Variants in IL9 observed in about 807,000 individuals in gnomAD.
IL9 encodes interleukin 9, also known as interleukin-9.
A neutral mutation model predicts 12.9 loss-of-function variants in IL9; 16 were observed. The ratio of observed to expected loss-of-function variants is 1.24; its 90% CI spans 0.84 to 1.88. IL9 has a LOEUF of 1.88. Among genes scored for constraint, IL9 ranks in the 40% most tolerant of loss-of-function variants. The probability of loss-of-function intolerance (pLI) is 0.00; values close to 1 mark genes in which losing one functional copy is unlikely to be tolerated. For missense variants in IL9, 170 were observed against 173.1 expected (o/e 0.98, Z 0.10); for synonymous variants, 69 against 63.8 (o/e 1.08, Z -0.39).
rs368804746 is a variant in IL9 at position 135,895,742 on chromosome 5, C to T, written c.75G>A (p.Ala25=). 1.7e-5 allele frequency: 28 copies of T among 1,614,112 alleles called. No individual in the cohort carries two copies. The highest frequency in any genetic ancestry group is 5.0e-5 in the Admixed American group (3 of 60,026). Reference sequence around the variant, plus strand: ...TGAGGAAGTTGATGTCCAGGATCCCCGCCAAGGTTGGACACCCCTGGCCTG... The same window carrying T: ...TGAGGAAGTTGATGTCCAGGATCCCTGCCAAGGTTGGACACCCCTGGCCTG... The part of the protein sequence containing the change: ...SVAGQGCPTL[A]GILDINFLIN... The change falls in exon 1 of 5, where the codon GCG becomes GCA. Residue 25 remains alanine, a synonymous_variant. Transcript: ENST00000274520.
Position 135,895,771 on chromosome 5 carries a change from C to G in IL9, c.46G>C (p.Val16Leu). ...AAGGTTGGACACCCCTGGCCTGCCA[C>G]GGAGCACAGGAGCAGGGCAGAGGTA... ...VLTSALLLCS[V>L]AGQGCPTLAG... Residue 16 changes from valine to leucine, a missense_variant, in exon 1 of 5, where the codon GTG becomes CTG. Val to Leu is a conservative substitution (Grantham distance 32). Coordinates refer to ENST00000274520, the MANE Select transcript of IL9 (RefSeq NM_000590.2). 12 of 1,614,108 alleles carry G rather than the reference C, an allele frequency of 7.4e-6. No individual in the cohort carries two copies. The highest frequency in any genetic ancestry group is 1.0e-5 in the Non-Finnish European group (12 of 1,180,004).
chr5:135,892,775 CA>C (rs1561570704), intron 4 of IL9, among the ~76,000 whole-genome samples: 133 of 150,682 alleles, frequency 8.8e-4, no homozygotes, highest in East Asian at 2.9e-3. Context: ...CACACACACA[CA>C]CACCCCTATT....
chr5:135,894,289 T>A (rs965129681), intron 3 of IL9, 138 bp from the exon 4 acceptor site: 1 of 825,536 alleles, frequency 1.2e-6, no homozygotes, highest in Non-Finnish European at 1.9e-6. Context: ...ACAGGTCCCT[T>A]GCCAATGTAG....
chr5:135,892,315 A>T lies in IL9; in HGVS notation c.*76T>A. On this transcript the variant is annotated 3_prime_UTR_variant, in exon 5 of 5. Coordinates refer to ENST00000274520, the MANE Select transcript of IL9 (RefSeq NM_000590.2). ...AACTGATACTGATTTAGAGTAGCTT[A>T]CTTGATTTTTAAATTGTAGCAACTT... The T allele has an allele frequency of 9.0e-7, 1 of 1,106,230 alleles. No individual in the cohort carries two copies. The allele number at this position is 1,106,230 out of a possible 1,614,324, so 68.5% of individuals were successfully genotyped here.
chr5:135,895,686 C>A lies in IL9; in HGVS notation c.114+17G>T. The A allele has an allele frequency of 6.2e-7, 1 of 1,608,524 alleles. No homozygotes were observed. Among genetic ancestry groups the A allele is most frequent in the Non-Finnish European group, 8.5e-7 (1 of 1,174,892 alleles). ...TGTCAGTAGCTGTCTTTCCCATGGG[C>A]TCCCCCTGCAGCCTACCTGCATCTT... On this transcript the variant is annotated intron_variant, in intron 1 of 4. Transcript: ENST00000274520.
chr5:135,894,895 A>G (rs1762920504), intron 3 of IL9, among the ~76,000 whole-genome samples: 1 of 152,218 alleles, frequency 6.6e-6, no homozygotes, highest in African/African-American at 2.4e-5. Context: ...CCCAGAGGGC[A>G]GCATTCAAAC....
rs765568745 is a variant in IL9 at position 135,892,493 on chromosome 5, C to T, written c.333G>A (p.Gln111=). Residue 111 remains glutamine, a synonymous_variant, in exon 5 of 5, where the codon CAG becomes CAA. Transcript: ENST00000274520. ...NNKCPYFSCE[Q]PCNQTTAGNA... is the part of the protein sequence containing the mutation. Reference sequence around the variant, plus strand: ...TGCCTGCCGTGGTTTGGTTGCATGGCTGTTCACAGGAAAAATACTGTGGGG... The same window carrying T: ...TGCCTGCCGTGGTTTGGTTGCATGGTTGTTCACAGGAAAAATACTGTGGGG... 3 of 1,612,558 alleles carry T rather than the reference C, an allele frequency of 1.9e-6. No individual in the cohort carries two copies. The highest frequency in any genetic ancestry group is 1.3e-5 in the African/African-American group (1 of 74,848).
At position 135,895,464 on chromosome 5, in the gene IL9, A is replaced by C; in HGVS notation, c.159T>G (p.Ser53Arg). 6.2e-7 allele frequency: 1 copy of C among 1,614,002 alleles called. No individual in the cohort carries two copies. The highest frequency in any genetic ancestry group is 2.2e-5 in the East Asian group (1 of 44,890). Residue 53 changes from serine to arginine, a missense_variant, in exon 3 of 5, where the codon AGT becomes AGG. By Grantham distance (110) the Ser-to-Arg change is moderately radical. Coordinates refer to ENST00000274520, the MANE Select transcript of IL9 (RefSeq NM_000590.2). The stretch of plus-strand genomic sequence containing the variant: ...CAGAGGGAATGCCCAAACAGAGACA[A>C]CTGGTCACCTGCAAGGGAAATTTCA... ...SKCHCSANVT[S>R]CLCLGIPSDN...
At chr5:135,895,368 A>G (rs1762926420) in intron 3 of IL9, 72 bp downstream of exon 3, 6 of 1,247,576 alleles carry the variant, frequency 4.8e-6, no homozygotes, top group Non-Finnish European at 6.8e-6. Flanking sequence ...TATTAAATAA[A>G]GCAACTTATT....
At chr5:135,893,700 A>G (rs1762905382) in intron 4 of IL9, among the ~76,000 whole-genome samples, 1 of 152,196 alleles carries the variant, frequency 6.6e-6, no homozygotes, top group South Asian at 2.1e-4. Flanking sequence ...TCTCTAGGAT[A>G]ATTTAGTATT....
chr5:135,894,239 T>G, intron 3 of IL9, 88 bp from the exon 4 acceptor site: 2 of 1,282,456 alleles, frequency 1.6e-6, no homozygotes, highest in South Asian at 2.7e-5. Flanking sequence ...AGAGATGATT[T>G]TTATTTAATC....
rs916857566 is a variant in IL9, at chr5:135,894,651, G to A, written c.184-500C>T. ...TCTTCTCATCTAATGGATGGACCGC[G>A]ATGGGTGCGATGTCTTACCCTAGCC... On this transcript the variant is annotated intron_variant, in intron 3 of 4. Transcript: ENST00000274520. Among the ~76,000 whole-genome samples the A allele has an allele frequency of 3.3e-5, 5 of 152,334 alleles. No homozygotes were observed. The East Asian group carries it at 7.7e-4, about 24-fold the overall frequency.
At chr5:135,892,585 C>A in intron 4 of IL9, 75 bp from the exon 5 acceptor site, 1 of 1,500,254 alleles carries the variant, frequency 6.7e-7, no homozygotes, top group Non-Finnish European at 9.0e-7. Flanking sequence ...AGCCTACCTG[C>A]CAAGAGCCAG....
intron 4 of IL9, among the ~76,000 whole-genome samples, chr5:135,892,854 C>T (rs1762890360): frequency 1.3e-5 from 2 of 151,816 alleles, no homozygotes. Context: ...AAAATTGTAT[C>T]ATTATCCTTT....
chr5:135,893,474 T>A (rs1762902137), intron 4 of IL9, among the ~76,000 whole-genome samples: 1 of 152,080 alleles, frequency 6.6e-6, no homozygotes, highest in Admixed American at 6.6e-5. Flanking sequence ...TAGCCAGGCA[T>A]GGTGGCACGC....
Position 135,895,555 on chromosome 5 carries a change from A to G in IL9, c.150T>C (p.Asn50=), listed in dbSNP as rs1277179423. The G allele has an allele frequency of 4.3e-6, 7 of 1,613,932 alleles. No individual in the cohort carries two copies. The highest frequency in any genetic ancestry group is 5.9e-6 in the Non-Finnish European group (7 of 1,179,866). Reference sequence around the variant, plus strand: ...AAGTTCTTAAAGAGCATTCACTCACATTAGCACTGCAGTGGCACTTGGAAG... The same window carrying G: ...AAGTTCTTAAAGAGCATTCACTCACGTTAGCACTGCAGTGGCACTTGGAAG... The part of the protein sequence containing the change: ...DPASKCHCSA[N]VTSCLCLGIP... The change falls in exon 2 of 5, where the codon AAT becomes AAC. Residue 50 remains asparagine, a splice_region_variant and synonymous_variant. Coordinates refer to ENST00000274520, the MANE Select transcript of IL9 (RefSeq NM_000590.2).
At position 135,895,745 on chromosome 5, in the gene IL9, C is replaced by G. The variant is rs1200013329; in HGVS notation, c.72G>C (p.Leu24Phe). The change falls in exon 1 of 5, where the codon TTG (leucine) becomes TTC (phenylalanine). Residue 24 changes from leucine (L) to phenylalanine (F), a missense_variant. Transcript: ENST00000274520. ...CSVAGQGCPT[L>F]AGILDINFLI... ...GGAAGTTGATGTCCAGGATCCCCGC[C>G]AAGGTTGGACACCCCTGGCCTGCCA... 1 of 1,614,144 alleles carries G rather than the reference C, an allele frequency of 6.2e-7. No homozygotes were observed. The highest frequency in any genetic ancestry group is 1.7e-5 in the Admixed American group (1 of 60,032).
chr5:135,892,778 A>ACACC (rs71221390), intron 4 of IL9, among the ~76,000 whole-genome samples: 26 of 134,574 alleles, frequency 1.9e-4, no homozygotes, highest in Admixed American at 4.4e-4. Context: ...ACACACACAC[A>ACACC]CCCCTATTAA....
At chr5:135,894,943 G>A (rs1320472228) in intron 3 of IL9, among the ~76,000 whole-genome samples, 1 of 152,192 alleles carries the variant, frequency 6.6e-6, no homozygotes, top group Non-Finnish European at 1.5e-5. Flanking sequence ...ACAACAGGGT[G>A]GTGGGGAGGA....
Sources: allele counts gnomAD v4.1 joint callset (sites outside exome capture counted in the v4.1 genomes callset), GRCh38; gene constraint gnomAD v4.1.1; transcripts MANE v1.5; gene names NCBI Gene and HGNC (gene_info 2026-07-23, HGNC 2026-07-21).